Variants in GID4 observed in about 807,000 individuals in gnomAD.
The protein encoded by GID4 is GID complex subunit 4 homolog.
GID4 carries 7 observed loss-of-function variants against 32.4 expected under a neutral mutation model. The ratio of observed to expected loss-of-function variants is 0.22; its 90% CI spans 0.12 to 0.41. The LOEUF is 0.41. Ranked by LOEUF, GID4 falls within the 10% of genes least tolerant of loss-of-function variation. The probability of loss-of-function intolerance (pLI) is 1.00; values close to 1 mark genes in which losing one functional copy is unlikely to be tolerated. For synonymous variants in GID4, 166 were observed against 170.0 expected (o/e 0.98, Z 0.18); for missense variants, 309 against 400.0 (o/e 0.77, Z 1.94).
intron 3 of GID4, among the ~76,000 whole-genome samples, chr17:18,054,865 C>G (rs1326896925): frequency 6.6e-6 from 1 of 152,068 alleles, no homozygotes; most frequent in Non-Finnish European, 1.5e-5. Context: ...CATATAAGTA[C>G]CATGTCTTCA....
At chr17:18,041,190 C>T (rs910154646) in intron 1 of GID4, among the ~76,000 whole-genome samples, 1 of 152,128 alleles carries the variant, frequency 6.6e-6, no homozygotes, top group Non-Finnish European at 1.5e-5. Flanking sequence ...GTGTGCTGCC[C>T]CACTGCCTCC....
intron 1 of GID4, among the ~76,000 whole-genome samples, chr17:18,041,060 C>T (rs2044797098): frequency 6.6e-6 from 1 of 152,072 alleles, no homozygotes; most frequent in African/African-American, 2.4e-5. Context: ...CTATACCTAC[C>T]CCTGCCTGAC....
intron 1 of GID4, among the ~76,000 whole-genome samples, chr17:18,043,064 CAGT>C (rs1195995711): frequency 6.6e-6 from 1 of 152,170 alleles, no homozygotes; most frequent in Non-Finnish European, 1.5e-5. Flanking sequence ...AAGAAGCCAG[CAGT>C]AGAAGGGAGC....
intron 3 of GID4, among the ~76,000 whole-genome samples, 169 bp downstream of exon 3, chr17:18,054,403 T>C (rs566466645): frequency 1.3e-5 from 2 of 152,144 alleles, no homozygotes; most frequent in Admixed American, 6.5e-5. Flanking sequence ...ATGAGGACAG[T>C]TTAAATACGA....
At chr17:18,056,176 T>TA (rs1228675942) in intron 3 of GID4, among the ~76,000 whole-genome samples, 1 of 152,100 alleles carries the variant, frequency 6.6e-6, no homozygotes, top group South Asian at 2.1e-4. Flanking sequence ...TTTACTTGAG[T>TA]AAAAAAAGGA....
chr17:18,062,680 C>T (rs182917467), intron 5 of GID4, among the ~76,000 whole-genome samples: 226 of 152,234 alleles, frequency 1.5e-3, no homozygotes, highest in East Asian at 4.6e-3. Flanking sequence ...TCAGTGGTAA[C>T]GAAATTATAT....
intron 2 of GID4, among the ~76,000 whole-genome samples, chr17:18,047,904 C>CTT (rs1225784333): frequency 6.9e-6 from 1 of 145,822 alleles, no homozygotes. Flanking sequence ...TATGTGATAA[C>CTT]TTTTTTTTTT....
chr17:18,057,759 G>A (rs554248049), intron 3 of GID4, among the ~76,000 whole-genome samples: 25 of 151,628 alleles, frequency 1.6e-4, no homozygotes, highest in Non-Finnish European at 3.4e-4. Flanking sequence ...ATATATGTGG[G>A]TTCTGTATCT....
chr17:18,065,823 G>A lies in GID4; in HGVS notation c.*580G>A, dbSNP rs572079258. 16 of 169,502 alleles carry A rather than the reference G, an allele frequency of 9.4e-5. No individual in the cohort carries two copies. In the South Asian group the frequency reaches 1.1e-3, roughly 11 times the overall value. The allele number at this position is 169,502 out of a possible 1,614,324, so 10.5% of individuals were successfully genotyped here. The stretch of plus-strand genomic sequence containing the variant: ...CAGTCTTCAGTGCTGATTGTGTCAC[G>A]GGTCAGCGTGCGCTGCTGAGCCCTG... On this transcript the variant is annotated 3_prime_UTR_variant, in exon 6 of 6. Transcript: ENST00000268719.
intron 5 of GID4, 86 bp downstream of exon 5, chr17:18,062,061 CT>C: frequency 8.0e-7 from 1 of 1,249,430 alleles, no homozygotes; most frequent in Non-Finnish European, 1.2e-6. Context: ...AAAGCAACAT[CT>C]TAGCCTGTCT....
At chr17:18,064,324 C>A (rs540612399) in intron 5 of GID4, among the ~76,000 whole-genome samples, 2 of 152,312 alleles carry the variant, frequency 1.3e-5, no homozygotes, top group African/African-American at 4.8e-5. Flanking sequence ...CTCCCTGGCA[C>A]TTGTTATCAT....
intron 2 of GID4, 91 bp downstream of exon 2, chr17:18,045,297 TG>T (rs1460807060): frequency 1.1e-6 from 1 of 908,566 alleles, no homozygotes; most frequent in African/African-American, 1.6e-5. Context: ...CTCAACTCCT[TG>T]AGGCCTAATT....
At chr17:18,047,679 A>G (rs2044867826) in intron 2 of GID4, among the ~76,000 whole-genome samples, 1 of 152,194 alleles carries the variant, frequency 6.6e-6, no homozygotes, top group Non-Finnish European at 1.5e-5. Context: ...CCCTCCCCAG[A>G]GTTGCCTGTT....
intron 1 of GID4, among the ~76,000 whole-genome samples, chr17:18,040,604 GC>G (rs1234124260): frequency 1.3e-5 from 2 of 152,050 alleles, no homozygotes; most frequent in Admixed American, 6.5e-5. Context: ...CATGGTCCAG[GC>G]ACCCAGCTCC....
In GID4 at chr17:18,067,446, T is replaced by A. The variant is rs1033571472; in HGVS notation, c.*2203T>A. 2 of 152,276 alleles carry A rather than the reference T, an allele frequency of 1.3e-5. No individual in the cohort carries two copies. Among genetic ancestry groups the A allele is most frequent in the African/African-American group, 4.8e-5 (2 of 41,438 alleles). 9.4% of individuals were successfully genotyped at this position (152,276 alleles called of 1,614,324 possible). A position where few individuals can be genotyped will look rare whatever the true frequency, so the allele number is the denominator to read the frequency against. On this transcript the variant is annotated 3_prime_UTR_variant, in exon 6 of 6. Transcript: ENST00000268719. The stretch of plus-strand genomic sequence containing the variant: ...CTTCCTTCCTTTTTTACCCAGGTGA[T>A]GAAGTGCACCCATTGTACTGGGAAG...
At chr17:18,045,304 T>C in intron 2 of GID4, 98 bp downstream of exon 2, 2 of 824,040 alleles carry the variant, frequency 2.4e-6, no homozygotes, top group South Asian at 3.0e-5. Context: ...CCTTGAGGCC[T>C]AATTAAAGCA....
At position 18,061,759 on chromosome 17, in the gene GID4, C is replaced by A; in HGVS notation, c.709-86C>A. 2 of 1,349,216 alleles carry A rather than the reference C, an allele frequency of 1.5e-6. No individual in the cohort carries two copies. The highest frequency in any genetic ancestry group is 1.1e-6 in the Non-Finnish European group (1 of 949,132). 83.6% of individuals were successfully genotyped at this position (1,349,216 alleles called of 1,614,324 possible). On this transcript the variant is annotated intron_variant, in intron 4 of 5. Transcript: ENST00000268719. This position sits in a 1 kb window ranked among gnomAD's most constrained non-coding sequence, Gnocchi z 4.4. ...GATCCTATATTTTTCTCGAGTGGTC[C>A]TTAGAACCCCCTGATGCTTAACAGG...
intron 5 of GID4, among the ~76,000 whole-genome samples, chr17:18,064,505 G>C (rs1041277034): frequency 3.9e-5 from 6 of 152,138 alleles, no homozygotes; most frequent in African/African-American, 1.4e-4. Context: ...ACAAGTAGGG[G>C]AGAGCCAACT....
chr17:18,047,092 C>G (rs1182459157), intron 2 of GID4, among the ~76,000 whole-genome samples: 1 of 152,140 alleles, frequency 6.6e-6, no homozygotes, highest in African/African-American at 2.4e-5. Flanking sequence ...GTTTCTGGCT[C>G]CTGGTTCCTA....
Sources: gnomAD v4.1 joint callset for allele counts (sites outside exome capture counted in the v4.1 genomes callset) on GRCh38, gnomAD v4.1.1 for gene constraint, Gnocchi (gnomAD v3.1) non-coding constraint, MANE v1.5 for transcripts, NCBI Gene and HGNC (gene_info 2026-07-23, HGNC 2026-07-21) for gene names.